Variants in OTOA observed in about 807,000 individuals in gnomAD.
The protein encoded by OTOA is otoancorin.
OTOA carries 70 observed loss-of-function variants against 110.8 expected under a neutral mutation model. The observed-to-expected ratio is 0.63, with a 90% CI of 0.52 to 0.77. The LOEUF (loss-of-function observed/expected upper bound fraction) is 0.77. Ranked by LOEUF, OTOA falls within the 30% of genes least tolerant of loss-of-function variation. The probability of loss-of-function intolerance (pLI) is 0.00; values close to 1 mark genes in which losing one functional copy is unlikely to be tolerated. For missense variants in OTOA, 917 were observed against 1,075.8 expected (o/e 0.85, Z 2.06); for synonymous variants, 373 against 431.5 (o/e 0.86, Z 1.68).
chr16:21,710,757 C>A (rs1262976876), intron 13 of OTOA, among the ~76,000 whole-genome samples: 1 of 152,176 alleles, frequency 6.6e-6, no homozygotes, highest in Non-Finnish European at 1.5e-5. Flanking sequence ...AATCCCAGCA[C>A]TTTGGAAGGC....
chr16:21,722,234 C>T (rs1400473158), intron 17 of OTOA, among the ~76,000 whole-genome samples: 3 of 147,780 alleles, frequency 2.0e-5, no homozygotes, highest in Non-Finnish European at 4.5e-5. Context: ...TGTACTACAG[C>T]CTAGGTGACA....
intron 1 of OTOA, among the ~76,000 whole-genome samples, chr16:21,668,691 A>C (rs1466690506): frequency 6.6e-6 from 1 of 150,622 alleles, no homozygotes; most frequent in African/African-American, 2.4e-5. Context: ...CAAACTCCTG[A>C]CCTCAAGTGA....
chr16:21,691,850 T>C (rs997472075), intron 9 of OTOA, among the ~76,000 whole-genome samples, 163 bp downstream of exon 9: 1 of 152,192 alleles, frequency 6.6e-6, no homozygotes, highest in East Asian at 1.9e-4. Flanking sequence ...GTAAAACACA[T>C]ACTCCATTTC....
At chr16:21,731,042 C>T in intron 21 of OTOA, 112 bp downstream of exon 21, 1 of 647,612 alleles carries the variant, frequency 1.5e-6, no homozygotes, top group Non-Finnish European at 2.8e-6. Flanking sequence ...AAGCTTCCTC[C>T]CTGCCTCCAA....
intron 9 of OTOA, among the ~76,000 whole-genome samples, chr16:21,693,350 T>G (rs1200898731): frequency 6.6e-6 from 1 of 152,174 alleles, no homozygotes; most frequent in Non-Finnish European, 1.5e-5. Context: ...ATTTCTCAGA[T>G]AGCTTCAATT....
chr16:21,736,206 CT>C, intron 21 of OTOA, 54 bp from the exon 22 acceptor site: 5 of 1,521,974 alleles, frequency 3.3e-6, no homozygotes, highest in Non-Finnish European at 4.6e-6. Flanking sequence ...TAATTTCAAT[CT>C]GTATTTAAGG....
Position 21,705,166 on chromosome 16 carries a change from C to G in OTOA, c.981-3C>G. On this transcript the variant is annotated splice_region_variant and splice_polypyrimidine_tract_variant and intron_variant, in intron 11 of 28. Coordinates refer to ENST00000646100, the MANE Select transcript of OTOA (RefSeq NM_144672.4). ...CACCACCATCCCTCCTCTTCTCACA[C>G]AGGCTGGGGCTGCTGGTTTGTTTCT... 6.2e-7 allele frequency: 1 copy of G among 1,614,190 alleles called. No homozygotes were observed. Among genetic ancestry groups the G allele is most frequent in the Non-Finnish European group, 8.5e-7 (1 of 1,180,032 alleles).
intron 24 of OTOA, among the ~76,000 whole-genome samples, chr16:21,750,174 G>A (rs1352269030): frequency 1.3e-5 from 2 of 152,262 alleles, no homozygotes; most frequent in Non-Finnish European, 2.9e-5. Flanking sequence ...TAGAACTTTG[G>A]GAGGCTGAAA....
chr16:21,701,516 C>T (rs1311168560), intron 11 of OTOA, among the ~76,000 whole-genome samples: 1 of 152,158 alleles, frequency 6.6e-6, no homozygotes, highest in Non-Finnish European at 1.5e-5. Context: ...CCATTCCCAG[C>T]AGGGGAGGAG....
At chr16:21,671,964 T>G (rs945527782) in intron 1 of OTOA, among the ~76,000 whole-genome samples, 1 of 152,068 alleles carries the variant, frequency 6.6e-6, no homozygotes, top group Non-Finnish European at 1.5e-5. Context: ...AGACCCTATA[T>G]CTACAAAAAA....
intron 1 of OTOA, among the ~76,000 whole-genome samples, chr16:21,666,878 C>A (rs1224332414): frequency 6.6e-6 from 1 of 152,092 alleles, no homozygotes; most frequent in Non-Finnish European, 1.5e-5. Context: ...GGAAAAAGGA[C>A]ATTATGCACA....
In OTOA at chr16:21,678,574, G is replaced by C. The variant is rs1252659133; in HGVS notation, c.60G>C (p.Val20=). 1.2e-6 allele frequency: 2 copies of C among 1,613,988 alleles called. No homozygotes were observed. The highest frequency in any genetic ancestry group is 4.5e-5 in the East Asian group (2 of 44,864). The part of the protein sequence containing the change: ...LFLFLFLSHG[V]SSYTVPNSRQ... The stretch of plus-strand genomic sequence containing the variant: ...TATTCCTTTTTCTGAGCCATGGAGT[G>C]TCGAGTTATACAGTGCCAAATTCCA... Residue 20 remains valine, a synonymous_variant, in exon 2 of 29, where the codon GTG becomes GTC. Coordinates refer to ENST00000646100, the MANE Select transcript of OTOA (RefSeq NM_144672.4).
chr16:21,733,567 C>G (rs1456509262), intron 21 of OTOA, among the ~76,000 whole-genome samples: 1 of 151,094 alleles, frequency 6.6e-6, no homozygotes, highest in African/African-American at 2.4e-5. Context: ...TGAGCCGGGA[C>G]CCAGTGAGGC....
intron 21 of OTOA, among the ~76,000 whole-genome samples, chr16:21,735,445 A>G (rs890789482): frequency 3.3e-5 from 5 of 152,026 alleles, no homozygotes; most frequent in Non-Finnish European, 7.4e-5. Context: ...CCATGATCCA[A>G]TCACCTCTCA....
At chr16:21,727,857 G>A (rs537578351) in intron 19 of OTOA, among the ~76,000 whole-genome samples, 14 of 151,380 alleles carry the variant, frequency 9.2e-5, no homozygotes, top group Non-Finnish European at 1.8e-4. Flanking sequence ...GTTTGGGATC[G>A]GAACTTTTTT....
chr16:21,721,949 C>T (rs934330330), intron 17 of OTOA, among the ~76,000 whole-genome samples: 7 of 151,510 alleles, frequency 4.6e-5, no homozygotes, highest in Non-Finnish European at 7.4e-5. Flanking sequence ...GTGGGCCGGG[C>T]ACAGTGGCTC....
At chr16:21,701,188 A>C (rs1898046504) in intron 11 of OTOA, 161 bp downstream of exon 11, 1 of 1,040,554 alleles carries the variant, frequency 9.6e-7, no homozygotes. Context: ...AGGTGTCTGC[A>C]ACTTTTTTTA....
intron 12 of OTOA, chr16:21,705,590 A>G: frequency 2.3e-6 from 1 of 430,404 alleles, no homozygotes; most frequent in South Asian, 2.1e-5. Context: ...TGGGAGGATC[A>G]TTTGAGGCCA....
chr16:21,714,055 G>A (rs1023467452), intron 13 of OTOA, among the ~76,000 whole-genome samples: 2 of 152,094 alleles, frequency 1.3e-5, no homozygotes, highest in Non-Finnish European at 2.9e-5. Flanking sequence ...AAGACAGCAT[G>A]AGATCACCCA....
Sources: gnomAD v4.1 joint callset for allele counts (sites outside exome capture counted in the v4.1 genomes callset) on GRCh38, gnomAD v4.1.1 for gene constraint, MANE v1.5 for transcripts, NCBI Gene and HGNC (gene_info 2026-07-23, HGNC 2026-07-21) for gene names.